Variants in NEK5 observed in about 807,000 individuals in gnomAD.
NEK5 encodes NIMA related kinase 5.
Under a neutral mutation model 109.2 loss-of-function variants are expected in NEK5, and 88 were observed. The observed-to-expected ratio is 0.81, with a 90% CI of 0.68 to 0.96. NEK5 has a LOEUF of 0.96. Among genes scored for constraint, NEK5 ranks in the 40% least tolerant of loss-of-function variants. The pLI, the probability that NEK5 is intolerant of heterozygous loss-of-function variation, is 0.00. For missense variants in NEK5, 834 were observed against 920.7 expected (o/e 0.91, Z 1.22); for synonymous variants, 283 against 299.9 (o/e 0.94, Z 0.58).
At chr13:52,099,428 T>C (rs1306590385) in intron 12 of NEK5, among the ~76,000 whole-genome samples, 2 of 152,054 alleles carry the variant, frequency 1.3e-5, no homozygotes, top group Non-Finnish European at 2.9e-5. Context: ...TCCCAGCACT[T>C]TGGGAGGCCC....
At chr13:52,092,288 C>T (rs928727751) in intron 13 of NEK5, among the ~76,000 whole-genome samples, 13 of 152,086 alleles carry the variant, frequency 8.5e-5, no homozygotes, top group Middle Eastern at 3.2e-3. Flanking sequence ...ATCATAATTA[C>T]AACACTTCTC....
chr13:52,061,668 G>T (rs1194604592), intron 22 of NEK5, among the ~76,000 whole-genome samples, 151 bp downstream of exon 22: 1 of 152,158 alleles, frequency 6.6e-6, no homozygotes, highest in Admixed American at 6.5e-5. Flanking sequence ...TTTGGAATAG[G>T]ATTGGACAAA....
chr13:52,087,598 A>T (rs1271089337), intron 14 of NEK5, 144 bp from the exon 15 acceptor site: 3 of 493,140 alleles, frequency 6.1e-6, no homozygotes, highest in Non-Finnish European at 1.1e-5. Context: ...TAAGTAGTAG[A>T]ATTTTCTTAA....
rs1955545028 is a variant in NEK5 at position 52,102,006 on chromosome 13, CT to C, written c.818del (p.Gln273ArgfsTer32). 1.2e-6 allele frequency: 2 copies of C among 1,614,000 alleles called. No individual in the cohort carries two copies. Among genetic ancestry groups the C allele is most frequent in the Non-Finnish European group, 1.7e-6 (2 of 1,179,998 alleles). ...IPKYLTPEVIQEEFSHMLICR... is the reference protein window; with the variant it reads ...IPKYLTPEVIXEEFSHMLICR... ...ATATAAGCATGTGACTGAATTCTTC[CT>C]GAATGACCTAAAACCGAACACACGT... On this transcript the variant is annotated frameshift_variant, in exon 11 of 24. Coordinates refer to ENST00000684899, the MANE Select transcript of NEK5 (RefSeq NM_001365552.1). LOFTEE classifies it high-confidence loss of function.
intron 17 of NEK5, among the ~76,000 whole-genome samples, chr13:52,080,411 AC>A (rs1265697651): frequency 4.0e-5 from 6 of 151,896 alleles, no homozygotes; most frequent in Non-Finnish European, 7.4e-5. Flanking sequence ...CTCATTGAGA[AC>A]GGGCCATGAT....
chr13:52,044,565 A>G (rs1225707511), intron 23 of NEK5, among the ~76,000 whole-genome samples: 2 of 152,234 alleles, frequency 1.3e-5, no homozygotes, highest in Non-Finnish European at 2.9e-5. Context: ...TATAAAGTAA[A>G]TGAACTATCA....
In NEK5 at chr13:52,125,923, T is replaced by C. The variant is rs927634655; in HGVS notation, c.117+1443A>G. Among the ~76,000 whole-genome samples the C allele has an allele frequency of 2.6e-5, 4 of 152,196 alleles. No individual in the cohort carries two copies. The South Asian group carries it at 8.3e-4, about 32-fold the overall frequency. ...AAAGAGACCTATATTGGGAAATAAA[T>C]CATTATCCCTGGAAGCCAGTCATCT... On this transcript the variant is annotated intron_variant, in intron 3 of 23. Transcript: ENST00000684899.
chr13:52,063,309 G>A (rs982108805), intron 21 of NEK5, among the ~76,000 whole-genome samples: 7 of 152,214 alleles, frequency 4.6e-5, no homozygotes, highest in East Asian at 1.9e-4. Flanking sequence ...TCCTAACCGC[G>A]AGTGATCTGC....
At chr13:52,052,101 AC>A (rs1267893842) in intron 22 of NEK5, among the ~76,000 whole-genome samples, 1 of 41,590 alleles carries the variant, frequency 2.4e-5, no homozygotes, top group Non-Finnish European at 4.9e-5. Context: ...CCCCGACCCC[AC>A]CCCCGCCCTG....
chr13:52,119,686 T>C (rs887324580), intron 3 of NEK5, among the ~76,000 whole-genome samples: 1 of 152,206 alleles, frequency 6.6e-6, no homozygotes, highest in Non-Finnish European at 1.5e-5. Flanking sequence ...ACCGTGTTCA[T>C]TATCTAGCCA....
rs751654295 is a variant in NEK5, at chr13:52,089,278, T to C, written c.1244A>G (p.Gln415Arg). 199 of 1,608,814 alleles carry C rather than the reference T, an allele frequency of 1.2e-4. No homozygotes were observed. Among genetic ancestry groups the C allele is most frequent in the Non-Finnish European group, 1.5e-4 (180 of 1,175,560 alleles). ...AEYLQRKFEAQQYKLKVEKQL... is the reference protein window; with the variant it reads ...AEYLQRKFEARQYKLKVEKQL... The stretch of plus-strand genomic sequence containing the variant: ...CTTCTCCACTTTCAACTTATATTGT[T>C]GAGCTTCAAATTTTCTCTGAAGGTA... The change falls in exon 14 of 24, where the codon CAA becomes CGA. Residue 415 changes from glutamine to arginine, a missense_variant. Transcript: ENST00000684899.
In NEK5 at chr13:52,127,430, G is replaced by A. The variant is rs1956085825; in HGVS notation, c.53C>T (p.Ala18Val). Residue 18 changes from alanine to valine, a missense_variant, in exon 3 of 24, where the codon GCA (alanine) becomes GTA (valine). Physicochemically the swap from Ala to Val is moderately conservative, Grantham distance 64. Transcript: ENST00000684899. ...KAIGQGAFGK[A>V]YLAKGKSDSK... is the part of the protein sequence containing the mutation. ...ATCTGATTTCCCTTTAGCTAAGTATGCTTTCCCGAAGGCACCTTGCCCGAT... is the reference window on the plus strand; with the variant it reads ...ATCTGATTTCCCTTTAGCTAAGTATACTTTCCCGAAGGCACCTTGCCCGAT... 6.2e-7 allele frequency: 1 copy of A among 1,613,092 alleles called. No individual in the cohort carries two copies. Among genetic ancestry groups the A allele is most frequent in the Admixed American group, 1.7e-5 (1 of 59,998 alleles).
At chr13:52,046,058 G>T (rs1486954085) in intron 23 of NEK5, among the ~76,000 whole-genome samples, 1 of 135,266 alleles carries the variant, frequency 7.4e-6, no homozygotes, top group Non-Finnish European at 1.5e-5. Context: ...GCAACAGAGC[G>T]AGACTCCATC....
At chr13:52,058,810 G>A (rs1954585519) in intron 22 of NEK5, among the ~76,000 whole-genome samples, 1 of 152,140 alleles carries the variant, frequency 6.6e-6, no homozygotes, top group African/African-American at 2.4e-5. Context: ...ATTCAAGATG[G>A]ATTAAAGACT....
chr13:52,101,386 C>T (rs576188390), intron 11 of NEK5, among the ~76,000 whole-genome samples: 14 of 151,556 alleles, frequency 9.2e-5, no homozygotes, highest in Non-Finnish European at 1.9e-4. Context: ...GGCGACAGAG[C>T]GAGACTCCGT....
chr13:52,077,724 T>C (rs1269105507), intron 17 of NEK5, among the ~76,000 whole-genome samples: 1 of 152,268 alleles, frequency 6.6e-6, no homozygotes, highest in South Asian at 2.1e-4. Flanking sequence ...GATCCATCCA[T>C]CCCAGTCCAA....
At chr13:52,086,732 G>C (rs1013163203) in intron 15 of NEK5, among the ~76,000 whole-genome samples, 2 of 152,182 alleles carry the variant, frequency 1.3e-5, no homozygotes, top group Admixed American at 6.5e-5. Context: ...AAACAGGGTC[G>C]CTGCAGATGA....
chr13:52,072,826 T>C (rs529279382), intron 19 of NEK5, among the ~76,000 whole-genome samples: 1 of 152,246 alleles, frequency 6.6e-6, no homozygotes, highest in South Asian at 2.1e-4. Flanking sequence ...TAATTATTCA[T>C]ACTTATATTG....
chr13:52,108,436 T>A, intron 7 of NEK5, 32 bp from the exon 8 acceptor site: 1 of 1,349,374 alleles, frequency 7.4e-7, no homozygotes. Flanking sequence ...TAAATCAGCA[T>A]GATTTTTTAT....
Sources: gnomAD v4.1 joint callset for allele counts (sites outside exome capture counted in the v4.1 genomes callset) on GRCh38, gnomAD v4.1.1 for gene constraint, MANE v1.5 for transcripts, NCBI Gene and HGNC (gene_info 2026-07-23, HGNC 2026-07-21) for gene names.